The following HPS4 variants were observed in gnomAD, a reference collection of about 807,000 sequenced individuals.
HPS4 encodes the protein HPS4 biogenesis of lysosomal organelles complex 3 subunit 2.
Under a neutral mutation model 70.3 loss-of-function variants are expected in HPS4, and 44 were observed. The observed-to-expected ratio is 0.63, with a 90% CI of 0.49 to 0.80. The LOEUF (loss-of-function observed/expected upper bound fraction) is 0.80, where lower values mean the gene tolerates loss of function less well. Among genes scored for constraint, HPS4 ranks in the 30% least tolerant of loss-of-function variants. The pLI is 0.00. For synonymous variants in HPS4, 377 were observed against 355.9 expected, an observed-to-expected ratio of 1.06 and a Z score of -0.67; for missense variants, 873 against 884.4, an observed-to-expected ratio of 0.99 and a Z score of 0.16.
chr22:26,459,246 T>C (rs1310465113), intron 11 of HPS4, among the ~76,000 whole-genome samples: 4 of 152,226 alleles, frequency 2.6e-5, no homozygotes, highest in African/African-American at 7.2e-5. Flanking sequence ...CTGCACTTGA[T>C]GGTTCAGAAG....
In HPS4 at chr22:26,451,978, CCCA is replaced by C. The variant is rs1012195335; in HGVS notation, c.*1252_*1254del. Reference sequence around the variant, plus strand: ...CCCAGGGAAGGAAAAGAGGGATGCGCCCACGTTACGCGCGCGCGCGCGCGCGCA... The same window carrying C: ...CCCAGGGAAGGAAAAGAGGGATGCGCCGTTACGCGCGCGCGCGCGCGCGCA... On this transcript the variant is annotated 3_prime_UTR_variant, in exon 14 of 14. Transcript: ENST00000398145. 23 of 179,706 alleles carry C rather than the reference CCCA, an allele frequency of 1.3e-4. 2 individuals are homozygous for C. Among genetic ancestry groups the C allele is most frequent in the African/African-American group, 5.3e-4 (21 of 39,268 alleles). 11.1% of individuals were successfully genotyped at this position (179,706 alleles called of 1,614,324 possible).
Position 26,477,000 on chromosome 22 carries a change from T to C in HPS4, c.269A>G (p.Tyr90Cys). 6.2e-7 allele frequency: 1 copy of C among 1,614,158 alleles called. No individual in the cohort carries two copies. The highest frequency in any genetic ancestry group is 1.3e-5 in the African/African-American group (1 of 75,040). ...TTCTGCCATTCAACTTACCCAAAGG[T>C]AATCTCCATCAACTTTTATGGCAAA... ...LKFAIKVDGD[Y>C]LWVLGCAVEL... The change falls in exon 4 of 14, where the codon TAC (tyrosine) becomes TGC (cysteine). Residue 90 changes from tyrosine to cysteine, a missense_variant. Tyr to Cys is a radical substitution (Grantham distance 194). Coordinates refer to ENST00000398145, the MANE Select transcript of HPS4 (RefSeq NM_022081.6).
At chr22:26,450,591 T>C (rs2085116101), downstream of HPS4, among the ~76,000 whole-genome samples, 2 of 152,194 alleles carry the variant, frequency 1.3e-5, no homozygotes, top group South Asian at 4.1e-4. Flanking sequence ...CTTGATATGG[T>C]TTGGCTGTGT....
At chr22:26,472,232 G>T in intron 6 of HPS4, 70 bp downstream of exon 6, 1 of 973,622 alleles carries the variant, frequency 1.0e-6, no homozygotes. Flanking sequence ...GTTCACTTCA[G>T]GAATATTAAA....
rs2085301712 is a variant in HPS4 at position 26,452,005 on chromosome 22, C to CAA, written c.*1227_*1228insTT. 1.3e-5 allele frequency: 1 copy of CAA among 78,838 alleles called. No homozygotes were observed. Among genetic ancestry groups the CAA allele is most frequent in the East Asian group, 2.6e-4 (1 of 3,856 alleles). The allele number at this position is 78,838 out of a possible 1,614,324, so 4.9% of individuals were successfully genotyped here. The stretch of plus-strand genomic sequence containing the variant: ...CACGTTACGCGCGCGCGCGCGCGCG[C>CAA]ACACACACACACACACACACACACA... On this transcript the variant is annotated 3_prime_UTR_variant, in exon 14 of 14. Transcript: ENST00000398145.
chr22:26,469,184 C>T (rs1408044438), intron 7 of HPS4, among the ~76,000 whole-genome samples: 2 of 150,722 alleles, frequency 1.3e-5, no homozygotes, highest in Non-Finnish European at 1.5e-5. Flanking sequence ...CAGTGGCTTA[C>T]TCCTGCAATC....
intron 6 of HPS4, among the ~76,000 whole-genome samples, chr22:26,471,639 G>A (rs939796598): frequency 2.6e-5 from 4 of 152,234 alleles, no homozygotes; most frequent in African/African-American, 7.2e-5. Context: ...GACTGGAGCA[G>A]GGAAAACCCT....
At chr22:26,455,475 T>C (rs2085928659) in intron 13 of HPS4, among the ~76,000 whole-genome samples, 1 of 148,834 alleles carries the variant, frequency 6.7e-6, no homozygotes, top group African/African-American at 2.5e-5. Context: ...AGCAAACTAT[T>C]GCAAGGACAA....
chr22:26,482,596 G>T (rs1023688440), intron 1 of HPS4: 1 of 152,138 alleles, frequency 6.6e-6, no homozygotes, highest in African/African-American at 2.4e-5. Flanking sequence ...TCCAGAGCAG[G>T]GCAAATTTCT....
intron 8 of HPS4, 81 bp downstream of exon 8, chr22:26,468,470 C>T: frequency 8.0e-7 from 1 of 1,246,438 alleles, no homozygotes; most frequent in Non-Finnish European, 1.2e-6. Flanking sequence ...ACGGCCTCTG[C>T]TCCTGATCCC....
intron 13 of HPS4, among the ~76,000 whole-genome samples, chr22:26,455,767 G>A (rs1417569863): frequency 1.3e-5 from 2 of 151,884 alleles, no homozygotes; most frequent in East Asian, 1.9e-4. Context: ...AATGGTAGCT[G>A]TTGTTTCTAT....
chr22:26,471,103 T>A, intron 6 of HPS4: 1 of 504,130 alleles, frequency 2.0e-6, no homozygotes, highest in African/African-American at 1.9e-5. Context: ...TCAAAGTAGA[T>A]GGCCTGGGAG....
chr22:26,469,709 AAAT>A (rs975155956), intron 7 of HPS4, among the ~76,000 whole-genome samples: 20 of 48,160 alleles, frequency 4.2e-4, no homozygotes, highest in South Asian at 1.1e-3. Flanking sequence ...AAAGAAAAAA[AAAT>A]ATATATATAT....
intron 4 of HPS4, among the ~76,000 whole-genome samples, chr22:26,474,564 C>T (rs1339411119): frequency 7.3e-5 from 11 of 151,686 alleles, no homozygotes; most frequent in Non-Finnish European, 7.4e-5. Flanking sequence ...AAGCAATAAC[C>T]ATAAAAAGAT....
chr22:26,475,350 T>G (rs1184054187), intron 4 of HPS4: 2 of 143,500 alleles, frequency 1.4e-5, no homozygotes, highest in Non-Finnish European at 3.0e-5. Context: ...TAAATTTCTT[T>G]TTTTTTTTTT....
rs2147040427 is a variant in HPS4, at chr22:26,481,806, T to C, written c.-44A>G. The C allele has an allele frequency of 6.3e-7, 1 of 1,587,152 alleles. No homozygotes were observed. Among genetic ancestry groups the C allele is most frequent in the South Asian group, 1.1e-5 (1 of 90,570 alleles). On this transcript the variant is annotated 5_prime_UTR_variant, in exon 2 of 14. Coordinates refer to ENST00000398145, the MANE Select transcript of HPS4 (RefSeq NM_022081.6). ...CATTCTCTTCATTTAGGTTTTCTTT[T>C]CCGGTATCACTTCTTTCTCCCTAGC... is the stretch of plus-strand genomic sequence containing the variant.
chr22:26,470,346 G>A (rs562446028), intron 7 of HPS4, among the ~76,000 whole-genome samples: 5 of 152,354 alleles, frequency 3.3e-5, no homozygotes, highest in African/African-American at 1.2e-4. Flanking sequence ...AGGGTCTCTG[G>A]GCAGCAGGAG....
rs192873735 is a variant in HPS4, at chr22:26,467,547, C to T, written c.669+1004G>A. ...AAATTATTAGGAAAAAAATAAAGGG[C>T]ATCCTTAACGTTCTCATTATCAAAG... On this transcript the variant is annotated intron_variant, in intron 8 of 13. Transcript: ENST00000398145. 18 of 152,312 alleles carry T rather than the reference C, an allele frequency of 1.2e-4. No individual in the cohort carries two copies. The East Asian group carries it at 1.3e-3, about 11-fold the overall frequency. 9.4% of individuals were successfully genotyped at this position (152,312 alleles called of 1,614,324 possible). A position where few individuals can be genotyped will look rare whatever the true frequency, so the allele number is the denominator to read the frequency against.
At chr22:26,480,235 G>A (rs896312445) in intron 2 of HPS4, among the ~76,000 whole-genome samples, 2 of 152,252 alleles carry the variant, frequency 1.3e-5, no homozygotes, top group Admixed American at 1.3e-4. Context: ...GCAGTGGTGC[G>A]ATTGCGGTTC....
Sources: gnomAD v4.1 joint callset for allele counts (sites outside exome capture counted in the v4.1 genomes callset) on GRCh38, gnomAD v4.1.1 for gene constraint, MANE v1.5 for transcripts, NCBI Gene and HGNC (gene_info 2026-07-23, HGNC 2026-07-21) for gene names.